ATP11B: variants seen among roughly 807,000 people sequenced by gnomAD.
ATP11B encodes phospholipid-transporting ATPase IF.
In ATP11B, 81 loss-of-function variants were observed where a neutral mutation model predicts 157.8. The ratio of observed to expected loss-of-function variants is 0.51; its 90% confidence interval spans 0.43 to 0.62. ATP11B has a LOEUF of 0.62. Ranked by LOEUF, ATP11B falls within the 20% of genes least tolerant of loss-of-function variation. The probability of loss-of-function intolerance (pLI) is 0.00; values close to 1 mark genes in which losing one functional copy is unlikely to be tolerated. For missense variants in ATP11B, 1,165 were observed against 1,402.2 expected (o/e 0.83, Z 2.70); for synonymous variants, 451 against 469.4 (o/e 0.96, Z 0.51).
chr3:182,805,911 A>G (rs1716299460), intron 1 of ATP11B, among the ~76,000 whole-genome samples: 1 of 151,904 alleles, frequency 6.6e-6, no homozygotes, highest in South Asian at 2.1e-4. Flanking sequence ...TTCTTTTTAA[A>G]CTCAATGTTT....
intron 12 of ATP11B, among the ~76,000 whole-genome samples, chr3:182,863,225 A>G (rs2108538829): frequency 6.6e-6 from 1 of 152,224 alleles, no homozygotes; most frequent in East Asian, 1.9e-4. Context: ...TTTTAGTAAC[A>G]TTTAGGAGGC....
At chr3:182,899,923 A>G (rs1004306929) in intron 28 of ATP11B, among the ~76,000 whole-genome samples, 1 of 151,882 alleles carries the variant, frequency 6.6e-6, no homozygotes. Context: ...ATTCTAGTCA[A>G]CTCTTATGCC....
chr3:182,831,427 C>G (rs145898027), intron 4 of ATP11B, among the ~76,000 whole-genome samples: 1 of 152,250 alleles, frequency 6.6e-6, no homozygotes, highest in East Asian at 1.9e-4. Flanking sequence ...AGATTGATCT[C>G]TTAAAATCAG....
At chr3:182,883,401 G>A (rs1378787134) in intron 21 of ATP11B, among the ~76,000 whole-genome samples, 1 of 151,712 alleles carries the variant, frequency 6.6e-6, no homozygotes, top group East Asian at 2.0e-4. Context: ...GGGATTACAG[G>A]CACCCACCAC....
At chr3:182,823,803 G>T (rs1247401783) in intron 2 of ATP11B, among the ~76,000 whole-genome samples, 1 of 151,908 alleles carries the variant, frequency 6.6e-6, no homozygotes, top group Non-Finnish European at 1.5e-5. Flanking sequence ...AATTATGCAA[G>T]AAATAAAAGC....
At chr3:182,812,443 G>T (rs569827032) in intron 1 of ATP11B, among the ~76,000 whole-genome samples, 2 of 152,298 alleles carry the variant, frequency 1.3e-5, no homozygotes, top group East Asian at 3.9e-4. Context: ...TGGTTAACTG[G>T]ATAGGCAAAG....
intron 19 of ATP11B, among the ~76,000 whole-genome samples, chr3:182,875,669 G>A (rs1455225386): frequency 6.6e-6 from 1 of 152,154 alleles, no homozygotes; most frequent in African/African-American, 2.4e-5. Context: ...TCGAACACCT[G>A]ACCTCAGGTG....
chr3:182,833,613 G>A (rs190215322), intron 4 of ATP11B: 1 of 152,270 alleles, frequency 6.6e-6, no homozygotes, highest in East Asian at 1.9e-4. Flanking sequence ...ACAGGCTTGA[G>A]TCACCACGCC....
At position 182,911,275 on chromosome 3, in the gene ATP11B, C is replaced by CCCCA. The variant is rs1553826102; in HGVS notation, c.3319-2583_3319-2582insACCC. On this transcript the variant is annotated intron_variant, in intron 28 of 29. Transcript: ENST00000323116. The stretch of plus-strand genomic sequence containing the variant: ...CCCATCTCCTGCTATTGAAATGCCC[C>CCCCA]CCCCCGCTAAGTCCTTTAAGATGTA... 4.9e-5 allele frequency among the ~76,000 whole-genome samples: 6 copies of CCCCA among 121,372 alleles called. No individual in the cohort carries two copies. The South Asian group carries it at 9.1e-4, about 18-fold the overall frequency. 79.6% of individuals were successfully genotyped at this position (121,372 alleles called of 152,430 possible).
At chr3:182,872,964 C>T (rs1244284528) in intron 18 of ATP11B, among the ~76,000 whole-genome samples, 2 of 152,166 alleles carry the variant, frequency 1.3e-5, no homozygotes, top group Non-Finnish European at 1.5e-5. Context: ...TTCTTCCCTT[C>T]ACCATCCCTC....
At chr3:182,915,362 G>T in intron 29 of ATP11B, 1 of 985,314 alleles carries the variant, frequency 1.0e-6, no homozygotes, top group Non-Finnish European at 1.2e-6. Context: ...CACGTAGAAG[G>T]ATGAGCACTT....
intron 1 of ATP11B, among the ~76,000 whole-genome samples, chr3:182,808,320 A>T (rs1716452003): frequency 6.6e-6 from 1 of 152,198 alleles, no homozygotes; most frequent in African/African-American, 2.4e-5. Flanking sequence ...AGTGTTGTAA[A>T]GGAATTGGTT....
intron 7 of ATP11B, among the ~76,000 whole-genome samples, chr3:182,839,480 G>A (rs1403193975): frequency 6.6e-6 from 1 of 152,106 alleles, no homozygotes; most frequent in African/African-American, 2.4e-5. Context: ...TAGGTGACAA[G>A]ATGGAATCAT....
chr3:182,808,525 A>G (rs1716464171), intron 1 of ATP11B, among the ~76,000 whole-genome samples: 1 of 152,178 alleles, frequency 6.6e-6, no homozygotes, highest in Non-Finnish European at 1.5e-5. Context: ...GGGAAAGTCA[A>G]AATTTGTAAA....
intron 21 of ATP11B, among the ~76,000 whole-genome samples, chr3:182,882,806 TA>T (rs1222595706): frequency 6.6e-6 from 1 of 152,186 alleles, no homozygotes; most frequent in African/African-American, 2.4e-5. Flanking sequence ...ATAATCCTGG[TA>T]TACAAAGTAT....
At chr3:182,860,608 G>T (rs542210227) in intron 12 of ATP11B, among the ~76,000 whole-genome samples, 52 of 152,058 alleles carry the variant, frequency 3.4e-4, no homozygotes, top group African/African-American at 1.3e-3. Context: ...TGTTTCTCTT[G>T]TTTTGAAACT....
At chr3:182,858,080 G>C (rs748306152) in intron 11 of ATP11B, 52 bp downstream of exon 11, 1 of 1,501,084 alleles carries the variant, frequency 6.7e-7, no homozygotes, top group Non-Finnish European at 9.2e-7. Flanking sequence ...TACTTGGCAC[G>C]ATTAGTGCTT....
chr3:182,854,705 G>A (rs1252749431), intron 10 of ATP11B, among the ~76,000 whole-genome samples: 1 of 151,394 alleles, frequency 6.6e-6, no homozygotes, highest in Non-Finnish European at 1.5e-5. Context: ...ACATGTATCT[G>A]ACCAAAGACT....
intron 1 of ATP11B, among the ~76,000 whole-genome samples, chr3:182,797,758 A>G (rs1715720022): frequency 6.6e-6 from 1 of 152,062 alleles, no homozygotes; most frequent in Non-Finnish European, 1.5e-5. Context: ...TTTGTTAGTT[A>G]CATGTTGAGA....
Sources: allele counts gnomAD v4.1 joint callset (sites outside exome capture counted in the v4.1 genomes callset), GRCh38; gene constraint gnomAD v4.1.1; transcripts MANE v1.5; gene names NCBI Gene and HGNC (gene_info 2026-07-23, HGNC 2026-07-21).